The following GARIN3 variants were observed in gnomAD, a reference collection of about 807,000 sequenced individuals.
GARIN3 encodes the protein golgi associated RAB2 interactor family member 3, also known as Golgi-associated RAB2 interactor protein 3.
chr5:157,163,409 C>T, the GARIN3 span: 2 of 1,614,086 alleles, frequency 1.2e-6, no homozygotes, highest in African/African-American at 1.3e-5. Flanking sequence ...ATTGCTGCCC[C>T]TGCTATTGCC....
the GARIN3 span, chr5:157,165,411 C>A: frequency 8.1e-7 from 1 of 1,232,544 alleles, no homozygotes; most frequent in East Asian, 2.4e-5. Context: ...TGTGGTAAGT[C>A]CCCTAGTAGT....
the GARIN3 span, chr5:157,162,210 G>A: frequency 2.0e-4 from 114 of 575,112 alleles, no homozygotes; most frequent in African/African-American, 1.5e-3. Flanking sequence ...GGCCGTGGGC[G>A]GGTGGTGGAG....
the GARIN3 span, chr5:157,165,483 A>C: frequency 2.6e-6 from 4 of 1,520,292 alleles, no homozygotes; most frequent in Non-Finnish European, 3.5e-6. Context: ...CTCAGAAGGC[A>C]CCAAAGGCTT....
At chr5:157,163,250 C>A in the GARIN3 span, 1 of 1,614,184 alleles carries the variant, frequency 6.2e-7, no homozygotes, top group African/African-American at 1.3e-5. Context: ...CTAATACCCT[C>A]TGAGGATATG....
At chr5:157,163,287 G>A in the GARIN3 span, 1 of 1,614,200 alleles carries the variant, frequency 6.2e-7, no homozygotes, top group Non-Finnish European at 8.5e-7. Flanking sequence ...TGGACTTGCT[G>A]GATTCATTTT....
At chr5:157,163,043 T>C in the GARIN3 span, 2 of 1,614,152 alleles carry the variant, frequency 1.2e-6, no homozygotes, top group Non-Finnish European at 1.7e-6. Flanking sequence ...CGTTCACTCA[T>C]GTAGCCTTCG....
At chr5:157,162,702 T>A in the GARIN3 span, 1 of 1,614,142 alleles carries the variant, frequency 6.2e-7, no homozygotes, top group Non-Finnish European at 8.5e-7. Context: ...CTGTGCTAGA[T>A]GCAGATTGGT....
chr5:157,165,019 C>CA, the GARIN3 span, among the ~76,000 whole-genome samples: 29 of 150,992 alleles, frequency 1.9e-4, no homozygotes, highest in African/African-American at 5.3e-4. Context: ...AACTCTGTCT[C>CA]AAAAAAAAAT....
chr5:157,162,386 T>C, the GARIN3 span: 1 of 1,543,994 alleles, frequency 6.5e-7, no homozygotes, highest in South Asian at 1.3e-5. Flanking sequence ...TAAAGAAAGC[T>C]GGGATGGGCT....
At chr5:157,164,234 C>T in the GARIN3 span, among the ~76,000 whole-genome samples, 1 of 149,784 alleles carries the variant, frequency 6.7e-6, no homozygotes, top group African/African-American at 2.5e-5. Context: ...ACTGCAATCT[C>T]CGCCTCCCAG....
the GARIN3 span, chr5:157,166,015 T>A: frequency 6.2e-7 from 1 of 1,614,204 alleles, no homozygotes. Flanking sequence ...TTTATCTGAA[T>A]AAAATTACTC....
the GARIN3 span, chr5:157,165,445 G>T: frequency 1.4e-6 from 2 of 1,465,326 alleles, no homozygotes; most frequent in South Asian, 2.8e-5. Flanking sequence ...CTGAGCCCTT[G>T]CACATGCAAT....
At chr5:157,166,160 A>G in the GARIN3 span, 1 of 1,608,902 alleles carries the variant, frequency 6.2e-7, no homozygotes, top group Non-Finnish European at 8.5e-7. Context: ...AACAAGATTC[A>G]TTGCTCATGG....
the GARIN3 span, chr5:157,162,179 A>T: frequency 1.9e-6 from 1 of 514,106 alleles, no homozygotes; most frequent in Non-Finnish European, 3.4e-6. Flanking sequence ...GGCAAAGCTG[A>T]ACACTCACGT....
At chr5:157,165,255 G>T in the GARIN3 span, among the ~76,000 whole-genome samples, 2 of 152,140 alleles carry the variant, frequency 1.3e-5, no homozygotes, top group African/African-American at 4.8e-5. Context: ...AGACCACCTG[G>T]GTTGGGGTAT....
the GARIN3 span, chr5:157,163,545 G>A: frequency 6.2e-7 from 1 of 1,614,198 alleles, no homozygotes; most frequent in Admixed American, 1.7e-5. Flanking sequence ...TTCCGTGGGA[G>A]GCATGTTGGA....
chr5:157,163,045 T>C, the GARIN3 span: 2 of 1,614,264 alleles, frequency 1.2e-6, no homozygotes, highest in South Asian at 1.1e-5. Context: ...TTCACTCATG[T>C]AGCCTTCGCT....
the GARIN3 span, chr5:157,162,584 C>T: frequency 7.4e-6 from 12 of 1,614,060 alleles, no homozygotes; most frequent in South Asian, 3.3e-5. Context: ...ATCTTAGCCA[C>T]GATATCTACC....
the GARIN3 span, chr5:157,165,757 G>C: frequency 2.7e-5 from 44 of 1,613,988 alleles, no homozygotes; most frequent in Middle Eastern, 5.0e-4. Context: ...CGCAGCTGCT[G>C]TTTCTCATGA....
Sources: allele counts gnomAD v4.1 joint callset (sites outside exome capture counted in the v4.1 genomes callset), GRCh38; gene constraint gnomAD v4.1.1; transcripts MANE v1.5; gene names NCBI Gene and HGNC (gene_info 2026-07-23, HGNC 2026-07-21).